The following NFIA variants were observed in gnomAD, a reference collection of about 807,000 sequenced individuals.
NFIA encodes the protein nuclear factor 1 A-type.
A neutral mutation model predicts 62.8 loss-of-function variants in NFIA; 8 were observed. That is an observed-to-expected ratio of 0.13 (90% CI 0.07 to 0.23). NFIA has a LOEUF of 0.23. NFIA is among the 10% of genes least tolerant of loss of function. The pLI is 1.00. For synonymous variants in NFIA, 235 were observed against 238.1 expected (o/e 0.99, Z 0.12); for missense variants, 410 against 642.1 (o/e 0.64, Z 3.91).
intron 2 of NFIA, among the ~76,000 whole-genome samples, chr1:61,267,739 A>G (rs1202466284): frequency 6.6e-6 from 1 of 152,208 alleles, no homozygotes; most frequent in Non-Finnish European, 1.5e-5. Context: ...AAAAGCAATT[A>G]TGAATGTACA....
At chr1:61,084,290 A>G (rs546218100) in intron 1 of NFIA, among the ~76,000 whole-genome samples, 10 of 152,324 alleles carry the variant, frequency 6.6e-5, no homozygotes, top group African/African-American at 2.2e-4. Context: ...TCTTATTGCA[A>G]TATCTAACAG....
At chr1:61,174,043 T>C (rs970128777) in intron 2 of NFIA, among the ~76,000 whole-genome samples, 8 of 152,202 alleles carry the variant, frequency 5.3e-5, no homozygotes, top group Admixed American at 2.0e-4. Flanking sequence ...GAGACAAGGA[T>C]GGCTTTTGGA....
In NFIA at chr1:61,118,322, T is replaced by C. The variant is rs373771376; in HGVS notation, c.559+29642T>C. On this transcript the variant is annotated intron_variant, in intron 2 of 10. Transcript: ENST00000403491. ...GAAAATAATTCTATATGTAATGATG[T>C]TTTCAATCAATATTATTTTAGGTGG... is the stretch of plus-strand genomic sequence containing the variant. Among the ~76,000 whole-genome samples, 6 of 152,204 alleles carry C rather than the reference T, an allele frequency of 3.9e-5. No individual in the cohort carries two copies. The East Asian group carries it at 1.2e-3, about 29-fold the overall frequency.
At chr1:61,156,384 A>G (rs1157317821) in intron 2 of NFIA, among the ~76,000 whole-genome samples, 1 of 152,208 alleles carries the variant, frequency 6.6e-6, no homozygotes, top group African/African-American at 2.4e-5. Flanking sequence ...TGTATTTATT[A>G]GAGACCATTG....
Position 61,088,093 on chromosome 1 carries a change from G to A in NFIA, c.28-56G>A. ...TCTTAAGGTGACCCGCTGAAGAAAA[G>A]TTGTTTTCTTTTGTTTTCATTCTAC... On this transcript the variant is annotated intron_variant, in intron 1 of 10. Transcript: ENST00000403491. The surrounding 1 kb of genome is among the most constrained non-coding windows in gnomAD (Gnocchi z 4.5). 1 of 1,504,382 alleles carries A rather than the reference G, an allele frequency of 6.6e-7. No individual in the cohort carries two copies. Among genetic ancestry groups the A allele is most frequent in the Non-Finnish European group, 8.9e-7 (1 of 1,120,188 alleles). 93.2% of individuals were successfully genotyped at this position (1,504,382 alleles called of 1,614,324 possible). A position where few individuals can be genotyped will look rare whatever the true frequency, so the allele number is the denominator to read the frequency against.
At chr1:61,275,730 C>G (rs923529622) in intron 2 of NFIA, among the ~76,000 whole-genome samples, 1 of 151,982 alleles carries the variant, frequency 6.6e-6, no homozygotes, top group African/African-American at 2.4e-5. Flanking sequence ...TTTTCCAGAA[C>G]AAAAACAATG....
At chr1:61,246,628 A>G (rs940981766) in intron 2 of NFIA, among the ~76,000 whole-genome samples, 3 of 152,280 alleles carry the variant, frequency 2.0e-5, no homozygotes, top group Admixed American at 6.5e-5. Context: ...GGAAGCAACT[A>G]TCTTTGCGTT....
At chr1:61,174,424 T>A (rs2100552574) in intron 2 of NFIA, among the ~76,000 whole-genome samples, 1 of 152,324 alleles carries the variant, frequency 6.6e-6, no homozygotes, top group Non-Finnish European at 1.5e-5. Flanking sequence ...GGACTTTTAA[T>A]GGAAAGGTTG....
At chr1:61,273,818 G>A (rs1657652022) in intron 2 of NFIA, among the ~76,000 whole-genome samples, 1 of 152,178 alleles carries the variant, frequency 6.6e-6, no homozygotes, top group Non-Finnish European at 1.5e-5. Context: ...AATTCTAGGT[G>A]AAAGGGAAGA....
At chr1:61,135,505 A>G (rs1647167130) in intron 2 of NFIA, among the ~76,000 whole-genome samples, 1 of 152,194 alleles carries the variant, frequency 6.6e-6, no homozygotes, top group Non-Finnish European at 1.5e-5. Context: ...CTTGAGCTCA[A>G]GCAATCCTCC....
chr1:61,449,955 G>T (rs1267922381), intron 10 of NFIA, among the ~76,000 whole-genome samples: 1 of 152,218 alleles, frequency 6.6e-6, no homozygotes, highest in Non-Finnish European at 1.5e-5. Flanking sequence ...CCAGGACAGG[G>T]ACTGGCTTGC....
Position 61,459,253 on chromosome 1 carries a change from A to G in NFIA, c.*3933A>G, listed in dbSNP as rs1331434909. 1.3e-5 allele frequency: 2 copies of G among 150,348 alleles called. No homozygotes were observed. The highest frequency in any genetic ancestry group is 3.9e-4 in the East Asian group (2 of 5,140). The allele number at this position is 150,348 out of a possible 1,614,324, so 9.3% of individuals were successfully genotyped here. ...AGATTGGGCAAAGATGAGTCCCTCA[A>G]ATTTCTGTGTTTTTTGTTTGTTTGT... On this transcript the variant is annotated 3_prime_UTR_variant, in exon 11 of 11. Transcript: ENST00000403491.
chr1:61,100,597 G>T (rs569532393), intron 2 of NFIA, among the ~76,000 whole-genome samples: 1 of 152,202 alleles, frequency 6.6e-6, no homozygotes, highest in East Asian at 1.9e-4. Context: ...AATTTATGGT[G>T]ATTATTATTA....
chr1:61,164,995 T>G (rs984998619), intron 2 of NFIA, among the ~76,000 whole-genome samples: 1 of 152,148 alleles, frequency 6.6e-6, no homozygotes, highest in African/African-American at 2.4e-5. Flanking sequence ...AGGCAGCCAG[T>G]GCTTTATTTT....
intron 2 of NFIA, among the ~76,000 whole-genome samples, chr1:61,098,718 A>G (rs1646459705): frequency 6.6e-6 from 1 of 152,316 alleles, no homozygotes; most frequent in Non-Finnish European, 1.5e-5. Context: ...TCAATCAGTA[A>G]CTACAGTTTT....
rs1474807749 is a variant in NFIA, at chr1:61,459,386, C to T, written c.*4066C>T. ...CCTTGTCCCTGCCAGCAAAACGCCC[C>T]TTTTCTGATCATTCGTGCGCAGAGG... On this transcript the variant is annotated 3_prime_UTR_variant, in exon 11 of 11. Transcript: ENST00000403491. 1.3e-5 allele frequency: 2 copies of T among 152,302 alleles called. No homozygotes were observed. The highest frequency in any genetic ancestry group is 3.8e-4 in the East Asian group (2 of 5,198). The allele number at this position is 152,302 out of a possible 1,614,324, so 9.4% of individuals were successfully genotyped here.
chr1:61,425,413 G>A (rs1336364071), intron 9 of NFIA, among the ~76,000 whole-genome samples: 3 of 152,180 alleles, frequency 2.0e-5, no homozygotes, highest in African/African-American at 7.2e-5. Flanking sequence ...TTCTTAGATG[G>A]TGTTTGTCTA....
chr1:61,426,487 C>T lies in NFIA; in HGVS notation c.1443C>T (p.Ser481=), dbSNP rs753555597. The T allele has an allele frequency of 3.2e-6, 5 of 1,551,866 alleles. No individual in the cohort carries two copies. Among genetic ancestry groups the T allele is most frequent in the Admixed American group, 3.9e-5 (2 of 50,956 alleles). ...TSPTYSTPST[S]PANRFVSVGP... is the part of the protein sequence containing the mutation. The stretch of plus-strand genomic sequence containing the variant: ...CAGCCTACTCGACACCCAGCACCTC[C>T]CCCGCAAACCGATTCGTCAGTGTTG... Residue 481 remains serine, a synonymous_variant, in exon 10 of 11, where the codon TCC becomes TCT. Transcript: ENST00000403491.
At chr1:61,445,390 C>T (rs548732423) in intron 10 of NFIA, among the ~76,000 whole-genome samples, 79 of 152,030 alleles carry the variant, frequency 5.2e-4, no homozygotes, top group African/African-American at 1.9e-3. Flanking sequence ...TTTGTAGCAA[C>T]GAATATTGCT....
Sources: gnomAD v4.1 joint callset for allele counts (sites outside exome capture counted in the v4.1 genomes callset) on GRCh38, gnomAD v4.1.1 for gene constraint, Gnocchi (gnomAD v3.1) non-coding constraint, MANE v1.5 for transcripts, NCBI Gene and HGNC (gene_info 2026-07-23, HGNC 2026-07-21) for gene names.